DPP6: variants seen among roughly 807,000 people sequenced by gnomAD.
The protein encoded by DPP6 is A-type potassium channel modulatory protein DPP6.
A neutral mutation model predicts 122.6 loss-of-function variants in DPP6; 69 were observed. The observed-to-expected ratio is 0.56, with a 90% confidence interval of 0.46 to 0.69. DPP6 has a LOEUF of 0.69. Ranked by LOEUF, DPP6 falls within the 30% of genes least tolerant of loss-of-function variation. DPP6 has a pLI of 0.00. For missense variants in DPP6, 928 were observed against 1,116.9 expected (o/e 0.83, Z 2.41); for synonymous variants, 418 against 433.1 (o/e 0.97, Z 0.43).
the DPP6 span, among the ~76,000 whole-genome samples, chr7:153,835,749 T>C: frequency 0.19 from 29,398 of 151,982 alleles, 3,319 homozygotes; most frequent in African/African-American, 0.32. Flanking sequence ...CATCCAACGA[T>C]TGGTTTTGAG....
At chr7:154,389,688 A>G (rs1814442307) in intron 1 of DPP6, among the ~76,000 whole-genome samples, 1 of 150,022 alleles carries the variant, frequency 6.7e-6, no homozygotes, top group Non-Finnish European at 1.5e-5. Context: ...AAGATGTACA[A>G]CATAGTATAC....
chr7:153,873,424 CTACCT>C, the DPP6 span, among the ~76,000 whole-genome samples: 1 of 151,938 alleles, frequency 6.6e-6, no homozygotes. Flanking sequence ...CGTTTGAGGC[CTACCT>C]AATTTAAAAC....
chr7:154,776,060 G>C (rs984242046), intron 10 of DPP6, among the ~76,000 whole-genome samples: 6 of 149,518 alleles, frequency 4.0e-5, no homozygotes, highest in African/African-American at 1.5e-4. Flanking sequence ...ACCCACTGCT[G>C]ACCCCACACA....
the DPP6 span, among the ~76,000 whole-genome samples, chr7:153,859,410 G>C: frequency 6.6e-6 from 1 of 152,348 alleles, no homozygotes; most frequent in South Asian, 2.1e-4. Flanking sequence ...GCCAATGACG[G>C]TGGTGAAGAA....
At chr7:154,086,142 C>T (rs1212165947) in intron 1 of DPP6, among the ~76,000 whole-genome samples, 3 of 152,148 alleles carry the variant, frequency 2.0e-5, no homozygotes, top group African/African-American at 7.2e-5. Flanking sequence ...TTATTTCTCC[C>T]AAAGATCTTG....
At position 154,760,383 on chromosome 7, in the gene DPP6, C is replaced by CAA. The variant is rs758575830; in HGVS notation, c.884-9033_884-9032dup. 6.6e-6 allele frequency among the ~76,000 whole-genome samples: 1 copy of CAA among 151,986 alleles called. No individual in the cohort carries two copies. The highest frequency in any genetic ancestry group is 1.5e-5 in the Non-Finnish European group (1 of 67,992). On this transcript the variant is annotated intron_variant, in intron 8 of 25. Transcript: ENST00000377770. This position sits in a 1 kb window ranked among gnomAD's most constrained non-coding sequence, Gnocchi z 4.5. The stretch of plus-strand genomic sequence containing the variant: ...GAGGAAATTCAGTCCATGACATCAG[C>CAA]AAGCTCATTCTGCACAGACCCCAGT...
intron 12 of DPP6, among the ~76,000 whole-genome samples, chr7:154,800,273 G>C (rs1400245764): frequency 6.6e-6 from 1 of 152,198 alleles, no homozygotes; most frequent in African/African-American, 2.4e-5. Flanking sequence ...TCACATGTTA[G>C]TTTATTTCTC....
intron 1 of DPP6, among the ~76,000 whole-genome samples, chr7:153,928,141 C>T (rs1166132505): frequency 6.6e-6 from 1 of 151,824 alleles, no homozygotes; most frequent in Non-Finnish European, 1.5e-5. Context: ...TCTCACAGTT[C>T]TGGAAGCTGG....
intron 7 of DPP6, among the ~76,000 whole-genome samples, chr7:154,675,733 C>G (rs571358609): frequency 6.6e-6 from 1 of 152,272 alleles, no homozygotes; most frequent in South Asian, 2.1e-4. Flanking sequence ...CACATTCACT[C>G]GCTCTCCCCA....
chr7:153,754,163 T>A, the DPP6 span, among the ~76,000 whole-genome samples: 1 of 152,164 alleles, frequency 6.6e-6, no homozygotes, highest in Non-Finnish European at 1.5e-5. Context: ...TGTATGTCTG[T>A]CATTTTCCTT....
At chr7:154,176,852 T>A (rs1797828596) in intron 1 of DPP6, among the ~76,000 whole-genome samples, 1 of 152,178 alleles carries the variant, frequency 6.6e-6, no homozygotes, top group South Asian at 2.1e-4. Context: ...TTTCTTTTTT[T>A]ATTTTTTGAG....
the DPP6 span, among the ~76,000 whole-genome samples, chr7:153,788,210 G>A: frequency 6.6e-6 from 1 of 152,146 alleles, no homozygotes; most frequent in African/African-American, 2.4e-5. Context: ...TCTACATTTT[G>A]GGACACATCC....
chr7:154,850,966 A>T (rs6950332), intron 16 of DPP6, among the ~76,000 whole-genome samples: 3,373 of 152,270 alleles, frequency 0.022, 136 homozygotes, highest in African/African-American at 0.077. Flanking sequence ...TATACATGCA[A>T]CCATTTTCAT....
intron 1 of DPP6, among the ~76,000 whole-genome samples, chr7:153,932,892 G>A (rs1446467861): frequency 2.0e-5 from 3 of 152,246 alleles, no homozygotes; most frequent in Non-Finnish European, 2.9e-5. Context: ...TGTTATGGGC[G>A]GGACGTGGCG....
At chr7:154,514,190 C>G (rs1826310511) in intron 3 of DPP6, among the ~76,000 whole-genome samples, 1 of 151,966 alleles carries the variant, frequency 6.6e-6, no homozygotes. Context: ...GCAGGAAAAT[C>G]CCTTGAACCC....
the DPP6 span, among the ~76,000 whole-genome samples, chr7:153,864,364 T>C: frequency 1.3e-5 from 2 of 152,092 alleles, no homozygotes; most frequent in Non-Finnish European, 2.9e-5. Context: ...TTAAAAAATA[T>C]ATGCTTGGGG....
chr7:153,762,138 T>C, the DPP6 span, among the ~76,000 whole-genome samples: 3 of 152,186 alleles, frequency 2.0e-5, no homozygotes, highest in African/African-American at 7.2e-5. Context: ...AAGGGCCCTA[T>C]AGGGTTTTAA....
intron 1 of DPP6, among the ~76,000 whole-genome samples, chr7:154,104,125 T>A (rs1805964546): frequency 6.6e-6 from 1 of 152,254 alleles, no homozygotes; most frequent in African/African-American, 2.4e-5. Context: ...TGTCTCTTCT[T>A]TGCCACGTTC....
intron 2 of DPP6, among the ~76,000 whole-genome samples, chr7:154,450,577 G>C (rs924304797): frequency 6.6e-6 from 1 of 152,164 alleles, no homozygotes; most frequent in Non-Finnish European, 1.5e-5. Context: ...CCGGGAGAGA[G>C]AGCGTTGCAG....
Sources: gnomAD v4.1 joint callset for allele counts (sites outside exome capture counted in the v4.1 genomes callset) on GRCh38, gnomAD v4.1.1 for gene constraint, Gnocchi (gnomAD v3.1) non-coding constraint, MANE v1.5 for transcripts, NCBI Gene and HGNC (gene_info 2026-07-23, HGNC 2026-07-21) for gene names.